The following ANXA4 variants were observed in gnomAD, a reference collection of about 807,000 sequenced individuals.
The protein encoded by ANXA4 is annexin A4.
In ANXA4, 39 loss-of-function variants were observed where a neutral mutation model predicts 49.8. The ratio of observed to expected loss-of-function variants is 0.78; its 90% CI spans 0.61 to 1.02. ANXA4 has a LOEUF of 1.02. Among genes scored for constraint, ANXA4 ranks in the 50% least tolerant of loss-of-function variants. The probability of loss-of-function intolerance (pLI) is 0.00; values close to 1 mark genes in which losing one functional copy is unlikely to be tolerated. For synonymous variants in ANXA4, 134 were observed against 152.5 expected (o/e 0.88, Z 0.89); for missense variants, 360 against 410.1 (o/e 0.88, Z 1.05).
intron 1 of ANXA4, among the ~76,000 whole-genome samples, chr2:69,770,341 G>C (rs1411980312): frequency 6.6e-6 from 1 of 152,148 alleles, no homozygotes; most frequent in African/African-American, 2.4e-5. Context: ...TTTGGGTGGG[G>C]CCCAGTCACA....
intron 2 of ANXA4, among the ~76,000 whole-genome samples, chr2:69,699,265 C>G (rs1418058737): frequency 6.6e-6 from 1 of 152,176 alleles, no homozygotes; most frequent in Non-Finnish European, 1.5e-5. Context: ...GCTCTTTTCT[C>G]TATTTTGTGC....
At chr2:69,784,133 A>G (rs1254835021) in intron 2 of ANXA4, among the ~76,000 whole-genome samples, 1 of 152,150 alleles carries the variant, frequency 6.6e-6, no homozygotes, top group East Asian at 1.9e-4. Flanking sequence ...TGCTATCACA[A>G]TGGGCCCTCT....
chr2:69,757,710 G>A (rs943090019), intron 1 of ANXA4, among the ~76,000 whole-genome samples: 1 of 151,896 alleles, frequency 6.6e-6, no homozygotes, highest in Non-Finnish European at 1.5e-5. Flanking sequence ...TGTAATCCCA[G>A]CACTTTGGGA....
At chr2:69,765,224 T>C (rs1371552006) in intron 1 of ANXA4, among the ~76,000 whole-genome samples, 1 of 152,234 alleles carries the variant, frequency 6.6e-6, no homozygotes, top group Non-Finnish European at 1.5e-5. Flanking sequence ...CTTCCTGTTC[T>C]TTTGGGTATA....
chr2:69,677,036 A>G (rs1157324435), intron 2 of ANXA4, among the ~76,000 whole-genome samples: 1 of 151,974 alleles, frequency 6.6e-6, no homozygotes. Flanking sequence ...GCTGGTCTCA[A>G]ACTCCTTGGC....
At chr2:69,817,463 GAA>G (rs1304103575) in intron 9 of ANXA4, 2 of 152,154 alleles carry the variant, frequency 1.3e-5, no homozygotes, top group Non-Finnish European at 2.9e-5. Flanking sequence ...TTACAGTGGA[GAA>G]AACTGAGGCT....
chr2:69,769,667 T>C (rs1485915286), intron 1 of ANXA4, among the ~76,000 whole-genome samples: 1 of 152,172 alleles, frequency 6.6e-6, no homozygotes, highest in Non-Finnish European at 1.5e-5. Flanking sequence ...GTAAAATACA[T>C]TTTTTTATTT....
At chr2:69,719,539 G>C (rs1243166642) in intron 2 of ANXA4, among the ~76,000 whole-genome samples, 1 of 151,140 alleles carries the variant, frequency 6.6e-6, no homozygotes, top group Non-Finnish European at 1.5e-5. Flanking sequence ...TCCCGGGTTT[G>C]AGTGATTCTT....
At chr2:69,734,457 A>G (rs1670188797) in intron 3 of ANXA4, among the ~76,000 whole-genome samples, 1 of 152,236 alleles carries the variant, frequency 6.6e-6, no homozygotes, top group Non-Finnish European at 1.5e-5. Flanking sequence ...ATAAGGAAGT[A>G]TGCACACAAC....
intron 2 of ANXA4, among the ~76,000 whole-genome samples, chr2:69,786,634 C>T (rs1672426473): frequency 6.6e-6 from 1 of 152,090 alleles, no homozygotes; most frequent in Non-Finnish European, 1.5e-5. Context: ...TTATGGAAAA[C>T]TTTAAACATA....
At chr2:69,754,389 A>G (rs1197259245) in intron 1 of ANXA4, among the ~76,000 whole-genome samples, 2 of 152,200 alleles carry the variant, frequency 1.3e-5, no homozygotes, top group Non-Finnish European at 2.9e-5. Context: ...AGCATGTATC[A>G]GAATCACCTG....
chr2:69,812,631 TA>T (rs755593637), intron 7 of ANXA4, 21 bp from the exon 8 acceptor site: 1 of 1,609,012 alleles, frequency 6.2e-7, no homozygotes, highest in Admixed American at 1.7e-5. Context: ...AATTATTTTT[TA>T]TTTGTTTTTC....
At chr2:69,791,719 C>T (rs531603579) in intron 3 of ANXA4, among the ~76,000 whole-genome samples, 76 of 152,208 alleles carry the variant, frequency 5.0e-4, no homozygotes, top group Admixed American at 1.4e-3. Flanking sequence ...ATTTTTTGGT[C>T]ATGACAAACC....
chr2:69,818,643 A>C lies in ANXA4; in HGVS notation c.673A>C (p.Ser225Arg). ...KRISQKDIEQ[S>R]IKSETSGSFE... ...GATATCACAGAAGGATATTGAACAG[A>C]GTATTAAATCTGAAACATCTGGTAG... The change falls in exon 10 of 13, where the codon AGT (serine) becomes CGT (arginine). Residue 225 changes from serine (S) to arginine (R), a missense_variant. By Grantham distance (110) the Ser-to-Arg change is moderately radical. Coordinates refer to ENST00000394295, the MANE Select transcript of ANXA4 (RefSeq NM_001153.5). 1 of 1,611,910 alleles carries C rather than the reference A, an allele frequency of 6.2e-7. No homozygotes were observed.
rs138246312 is a variant in ANXA4 at position 69,736,359 on chromosome 2, T to C, written n.864+15488T>C. Among the ~76,000 whole-genome samples the C allele has an allele frequency of 9.1e-3, 1,379 of 152,314 alleles. 21 individuals are homozygous for C. The highest frequency in any genetic ancestry group is 0.031 in the African/African-American group (1,291 of 41,572). ...GATTGTATACCATTAATAGTAACACTTCTTGACACCTACTCTATGAGAGTA... is the reference window on the plus strand; with the variant it reads ...GATTGTATACCATTAATAGTAACACCTCTTGACACCTACTCTATGAGAGTA... On this transcript the variant is annotated intron_variant and non_coding_transcript_variant, in intron 3 of 3. Transcript: ENST00000418066.
intron 1 of ANXA4, among the ~76,000 whole-genome samples, chr2:69,779,173 A>C (rs1307448682): frequency 6.6e-6 from 1 of 151,514 alleles, no homozygotes; most frequent in Admixed American, 6.6e-5. Context: ...TTTTTAATGA[A>C]ATAAGGGGAG....
At chr2:69,748,223 A>G (rs1205856689) in intron 1 of ANXA4, among the ~76,000 whole-genome samples, 1 of 151,718 alleles carries the variant, frequency 6.6e-6, no homozygotes, top group Non-Finnish European at 1.5e-5. Context: ...AAAAAATACA[A>G]AAAAAATTAG....
chr2:69,768,212 A>G (rs1671572030), intron 1 of ANXA4, among the ~76,000 whole-genome samples: 1 of 152,236 alleles, frequency 6.6e-6, no homozygotes, highest in Non-Finnish European at 1.5e-5. Flanking sequence ...GGGCAAAATG[A>G]TATAATAGTG....
At chr2:69,644,973 C>T (rs1398914045) in intron 1 of ANXA4, 4 of 151,962 alleles carry the variant, frequency 2.6e-5, no homozygotes, top group Admixed American at 1.3e-4. Flanking sequence ...AAGTTGCTGC[C>T]AAAAACAAAC....
Sources: gnomAD v4.1 joint callset for allele counts (sites outside exome capture counted in the v4.1 genomes callset) on GRCh38, gnomAD v4.1.1 for gene constraint, MANE v1.5 for transcripts, NCBI Gene and HGNC (gene_info 2026-07-23, HGNC 2026-07-21) for gene names.